Variants in AFF1 observed in about 807,000 individuals in gnomAD.
AFF1 encodes AF4/FMR2 family member 1.
A neutral mutation model predicts 121.7 loss-of-function variants in AFF1; 48 were observed. The ratio of observed to expected loss-of-function variants is 0.39; its 90% CI spans 0.31 to 0.50. AFF1 has a LOEUF of 0.50. AFF1 is among the 20% of genes least tolerant of loss of function. The probability of loss-of-function intolerance (pLI) is 0.76; values close to 1 mark genes in which losing one functional copy is unlikely to be tolerated. For missense variants in AFF1, 1,523 were observed against 1,511.7 expected (o/e 1.01, Z -0.12); for synonymous variants, 613 against 563.0 (o/e 1.09, Z -1.26).
chr4:87,100,812 T>C (rs999266645), intron 8 of AFF1, among the ~76,000 whole-genome samples: 2 of 152,228 alleles, frequency 1.3e-5, no homozygotes, highest in South Asian at 4.1e-4. Flanking sequence ...ATATCATTCT[T>C]TTACCTTGTC....
At chr4:87,090,738 G>T (rs1724214587) in intron 6 of AFF1, among the ~76,000 whole-genome samples, 1 of 152,112 alleles carries the variant, frequency 6.6e-6, no homozygotes, top group Non-Finnish European at 1.5e-5. Flanking sequence ...TCTAGGCCAG[G>T]TATGGTGGCT....
intron 6 of AFF1, among the ~76,000 whole-genome samples, chr4:87,090,470 G>C (rs1724186259): frequency 6.6e-6 from 1 of 152,208 alleles, no homozygotes; most frequent in Non-Finnish European, 1.5e-5. Context: ...AGTTACACTA[G>C]TGCTGGTTTA....
chr4:86,946,316 G>A (rs1204623141), intron 1 of AFF1, among the ~76,000 whole-genome samples: 1 of 152,044 alleles, frequency 6.6e-6, no homozygotes, highest in Non-Finnish European at 1.5e-5. Flanking sequence ...CTTACCTTCT[G>A]TAGTATGTAA....
chr4:86,984,448 C>CGAGT (rs1284782016), intron 2 of AFF1, among the ~76,000 whole-genome samples: 2 of 151,804 alleles, frequency 1.3e-5, no homozygotes, highest in Non-Finnish European at 2.9e-5. Context: ...TTCAGCCTCC[C>CGAGT]GAGTAGCTGA....
rs550037105 is a variant in AFF1, at chr4:87,001,866, A to G, written c.39-44300A>G. 3.9e-5 allele frequency among the ~76,000 whole-genome samples: 6 copies of G among 152,236 alleles called. No individual in the cohort carries two copies. In the South Asian group the frequency reaches 6.2e-4, roughly 16 times the overall value. ...GTGTCTGCTTCACTTGAGATTTTCA[A>G]TGGCAACCTTGAGCACCCTTCTCTT... On this transcript the variant is annotated intron_variant, in intron 2 of 20. Transcript: ENST00000395146.
At chr4:87,096,757 T>C (rs1369489384) in intron 8 of AFF1, among the ~76,000 whole-genome samples, 1 of 151,978 alleles carries the variant, frequency 6.6e-6, no homozygotes, top group Non-Finnish European at 1.5e-5. Context: ...TTTTCCTTTT[T>C]AATTTTTACA....
At chr4:87,063,299 G>A (rs1720987652) in intron 4 of AFF1, among the ~76,000 whole-genome samples, 1 of 126,042 alleles carries the variant, frequency 7.9e-6, no homozygotes, top group Non-Finnish European at 1.6e-5. Context: ...GAGTGCAATG[G>A]CATGATCTTG....
chr4:87,102,892 A>G (rs1052814529), intron 8 of AFF1, among the ~76,000 whole-genome samples: 1 of 152,146 alleles, frequency 6.6e-6, no homozygotes, highest in Admixed American at 6.5e-5. Context: ...TCAACGACTG[A>G]TTCTTCACAT....
chr4:87,106,816 C>T (rs572060164), intron 10 of AFF1, among the ~76,000 whole-genome samples: 126 of 152,270 alleles, frequency 8.3e-4, no homozygotes, highest in Non-Finnish European at 1.4e-3. Context: ...AAATCTTGTC[C>T]ATTATGCAGG....
intron 5 of AFF1, among the ~76,000 whole-genome samples, chr4:87,086,219 C>T (rs1459364956): frequency 6.6e-6 from 1 of 152,142 alleles, no homozygotes; most frequent in Admixed American, 6.5e-5. Flanking sequence ...CTTGGCATTT[C>T]CTCTGAAATT....
At chr4:87,007,304 C>T (rs1726246120) in intron 2 of AFF1, 1 of 1,580,534 alleles carries the variant, frequency 6.3e-7, no homozygotes, top group Non-Finnish European at 8.6e-7. Flanking sequence ...CGCCGGGACG[C>T]GTCCCCGCCC....
At chr4:87,086,511 T>G (rs1259328657) in intron 5 of AFF1, among the ~76,000 whole-genome samples, 1 of 152,222 alleles carries the variant, frequency 6.6e-6, no homozygotes, top group Admixed American at 6.5e-5. Context: ...CATGCCCATT[T>G]ATGATTTGGA....
intron 7 of AFF1, among the ~76,000 whole-genome samples, chr4:87,093,657 G>A (rs188900793): frequency 5.9e-5 from 9 of 152,296 alleles, no homozygotes; most frequent in Admixed American, 3.3e-4. Flanking sequence ...TGCCCCTCTC[G>A]TTTGGAGTCT....
chr4:87,120,536 C>G (rs1578295484), intron 12 of AFF1, among the ~76,000 whole-genome samples: 1 of 152,258 alleles, frequency 6.6e-6, no homozygotes, highest in East Asian at 1.9e-4. Context: ...TGCCTCCTCC[C>G]AGTCCCGTGA....
chr4:87,139,580 A>G lies in AFF1; in HGVS notation c.*3879A>G, dbSNP rs546277333. 5.6e-5 allele frequency: 13 copies of G among 230,570 alleles called. No homozygotes were observed. The South Asian group carries it at 2.4e-3, about 42-fold the overall frequency. 14.3% of individuals were successfully genotyped at this position (230,570 alleles called of 1,614,324 possible). A position where few individuals can be genotyped will look rare whatever the true frequency, so the allele number is the denominator to read the frequency against. ...CTGAAAAGTGAGAGTTACGCATTGC[A>G]GCCATGAAGGGATGCTAGGATCAAT... On this transcript the variant is annotated 3_prime_UTR_variant, in exon 21 of 21. Transcript: ENST00000395146.
chr4:87,134,472 A>C lies in AFF1; in HGVS notation c.3313A>C (p.Ser1105Arg). The C allele has an allele frequency of 6.3e-7, 1 of 1,592,560 alleles. No individual in the cohort carries two copies. The highest frequency in any genetic ancestry group is 8.5e-7 in the Non-Finnish European group (1 of 1,169,964). The change falls in exon 20 of 21, where the codon AGC (serine) becomes CGC (arginine). Residue 1105 changes from serine to arginine, a missense_variant and splice_region_variant. Ser to Arg is a moderately radical substitution (Grantham distance 110). Around this residue, in one of 5 missense-constraint regions of AFF1, gnomAD observed 241 missense variants for 265.2 expected, o/e 0.91. Transcript: ENST00000395146. The stretch of plus-strand genomic sequence containing the variant: ...TATCTCTTCTCTTCCACCTCCCAGA[A>C]GCACAGGCACACCATCCCCTCTTTC... The part of the protein sequence containing the change: ...AQAPSPCIAR[S>R]TGTPSPLSPM...
intron 7 of AFF1, among the ~76,000 whole-genome samples, chr4:87,092,660 T>C (rs2149718990): frequency 6.6e-6 from 1 of 152,250 alleles, no homozygotes; most frequent in East Asian, 1.9e-4. Context: ...CTAAAATATT[T>C]ATTGTCTGGC....
At chr4:86,941,944 GT>G (rs76522559) in intron 1 of AFF1, among the ~76,000 whole-genome samples, 1,644 of 144,452 alleles carry the variant, frequency 0.011, 24 homozygotes, top group African/African-American at 0.032. Context: ...CCAATCCTCC[GT>G]TTTTTTTTTT....
intron 2 of AFF1, among the ~76,000 whole-genome samples, chr4:87,026,863 A>T (rs1360283985): frequency 6.6e-6 from 1 of 152,228 alleles, no homozygotes; most frequent in Non-Finnish European, 1.5e-5. Flanking sequence ...ACTAGATGAA[A>T]TAGAACCATA....
Sources: gnomAD v4.1 joint callset for allele counts (sites outside exome capture counted in the v4.1 genomes callset) on GRCh38, gnomAD v4.1.1 for gene constraint, gnomAD v4.1.1 regional missense constraint, MANE v1.5 for transcripts, NCBI Gene and HGNC (gene_info 2026-07-23, HGNC 2026-07-21) for gene names.